The following TNRC18 variants were observed in gnomAD, a reference collection of about 807,000 sequenced individuals.
TNRC18 encodes the protein trinucleotide repeat containing 18, also known as trinucleotide repeat-containing gene 18 protein.
A neutral mutation model predicts 226.7 loss-of-function variants in TNRC18; 69 were observed. The observed-to-expected ratio is 0.30, with a 90% CI of 0.25 to 0.37. The LOEUF (loss-of-function observed/expected upper bound fraction) is 0.37. TNRC18 is among the 10% of genes least tolerant of loss of function. The pLI is 1.00. For synonymous variants in TNRC18, 2,449 were observed against 1,927.6 expected (o/e 1.27, Z -7.09); for missense variants, 4,754 against 4,256.6 (o/e 1.12, Z -3.25).
intron 24 of TNRC18, among the ~76,000 whole-genome samples, chr7:5,317,349 GGAGGCT>G (rs1308544622): frequency 1.3e-5 from 2 of 152,154 alleles, no homozygotes; most frequent in Non-Finnish European, 2.9e-5. Context: ...CAGCACTTTG[GGAGGCT>G]GAGAGAAGCA....
chr7:5,415,287 G>A (rs11772823), intron 2 of TNRC18, among the ~76,000 whole-genome samples: 1,875 of 151,816 alleles, frequency 0.012, 17 homozygotes, highest in Non-Finnish European at 0.019. Context: ...TCGGGTGGGG[G>A]TGGGCTGTGC....
intron 11 of TNRC18, among the ~76,000 whole-genome samples, chr7:5,365,183 G>A (rs12533189): frequency 0.016 from 2,482 of 152,158 alleles, 65 homozygotes; most frequent in Admixed American, 0.069. Context: ...ACCATCACAC[G>A]TCACCACAGC....
rs1386707660 is a variant in TNRC18, at chr7:5,389,279, G to C, written c.545C>G (p.Ser182Trp). 1 of 1,288,822 alleles carries C rather than the reference G, an allele frequency of 7.8e-7. No homozygotes were observed. 79.8% of individuals were successfully genotyped at this position (1,288,822 alleles called of 1,614,324 possible). A position where few individuals can be genotyped will look rare whatever the true frequency, so the allele number is the denominator to read the frequency against. The change falls in exon 5 of 30, where the codon TCG (serine) becomes TGG (tryptophan). Residue 182 changes from serine (S) to tryptophan (W), a missense_variant. Physicochemically the swap from Ser to Trp is radical, Grantham distance 177. Transcript: ENST00000430969. ...GTGGCCGCCGCCAGGGGTCCGGGCC[G>C]AGGGCGCGTGAGAGTGCAGGGAGCC... is the stretch of plus-strand genomic sequence containing the variant. ...APGSLHSHAPSARTPGGGHSS... is the reference protein window; with the variant it reads ...APGSLHSHAPWARTPGGGHSS...
At chr7:5,415,115 T>C (rs1284202922) in intron 2 of TNRC18, among the ~76,000 whole-genome samples, 1 of 152,190 alleles carries the variant, frequency 6.6e-6, no homozygotes, top group East Asian at 1.9e-4. Context: ...CATGACTGGC[T>C]TTCAGGGACC....
At chr7:5,405,321 C>T (rs1467036223) in intron 2 of TNRC18, among the ~76,000 whole-genome samples, 1 of 152,030 alleles carries the variant, frequency 6.6e-6, no homozygotes, top group Non-Finnish European at 1.5e-5. Context: ...GTAATACCAA[C>T]ACTTTGGGAG....
At chr7:5,416,098 C>T (rs1359668680) in intron 2 of TNRC18, among the ~76,000 whole-genome samples, 10 of 126,204 alleles carry the variant, frequency 7.9e-5, no homozygotes, top group Non-Finnish European at 1.4e-4. Context: ...GGCGACAGAG[C>T]AAGACTCTCT....
chr7:5,367,832 C>T (rs555010291), intron 11 of TNRC18, among the ~76,000 whole-genome samples: 39 of 152,096 alleles, frequency 2.6e-4, no homozygotes, highest in South Asian at 8.3e-4. Flanking sequence ...CAAGTGCCTC[C>T]CAGTGGGGAG....
intron 2 of TNRC18, 161 bp downstream of exon 2, chr7:5,420,899 G>GCC: frequency 3.6e-6 from 3 of 840,600 alleles, no homozygotes; most frequent in Admixed American, 2.3e-5. Context: ...CCTTGGCTCC[G>GCC]GGACCAGGAG....
intron 4 of TNRC18, 81 bp from the exon 5 acceptor site, chr7:5,389,417 A>AG: frequency 1.7e-6 from 2 of 1,162,792 alleles, no homozygotes; most frequent in Non-Finnish European, 1.1e-6. Context: ...GACCCCTGAG[A>AG]GGGGGATGGA....
intron 5 of TNRC18, among the ~76,000 whole-genome samples, chr7:5,383,316 G>A (rs145190735): frequency 5.9e-5 from 9 of 152,294 alleles, no homozygotes; most frequent in Non-Finnish European, 1.2e-4. Context: ...GGCCCCCTGA[G>A]GCCAGACCTA....
chr7:5,332,258 G>C (rs1393744135), intron 19 of TNRC18, among the ~76,000 whole-genome samples: 1 of 152,132 alleles, frequency 6.6e-6, no homozygotes, highest in African/African-American at 2.4e-5. Context: ...GCAACATAGC[G>C]AGATCCCCTC....
chr7:5,389,889 C>T (rs972792543), intron 4 of TNRC18: 1 of 154,640 alleles, frequency 6.5e-6, no homozygotes, highest in South Asian at 2.1e-4. Context: ...TACCTACAAC[C>T]AAGTTTAAAT....
At chr7:5,384,414 C>G (rs973083941) in intron 5 of TNRC18, among the ~76,000 whole-genome samples, 8 of 152,154 alleles carry the variant, frequency 5.3e-5, no homozygotes, top group African/African-American at 1.9e-4. Flanking sequence ...AACCAGTCAC[C>G]TACTTTTCAA....
At chr7:5,338,201 C>A (rs1432783431) in intron 18 of TNRC18, among the ~76,000 whole-genome samples, 2 of 151,856 alleles carry the variant, frequency 1.3e-5, no homozygotes, top group African/African-American at 2.4e-5. Flanking sequence ...CAAAATGATA[C>A]TGAGAAAGCT....
chr7:5,335,445 T>A (rs372611091), intron 18 of TNRC18, among the ~76,000 whole-genome samples: 3 of 149,738 alleles, frequency 2.0e-5, no homozygotes, highest in African/African-American at 7.4e-5. Flanking sequence ...CCATCTCTGA[T>A]AAAAATACAA....
chr7:5,345,521 C>CACCCCCCCA, intron 18 of TNRC18, 41 bp downstream of exon 18: 1 of 189,874 alleles, frequency 5.3e-6, no homozygotes, highest in African/African-American at 2.5e-5. Context: ...GCGTCCGCCC[C>CACCCCCCCA]TCCCACCCAC....
chr7:5,321,093 C>T lies in TNRC18; in HGVS notation c.6540G>A (p.Gln2180=), dbSNP rs760768652. Reference sequence around the variant, plus strand: ...CTCACATGTCTGGCGAGTGCACGGTCTGCACGTGCCCGGCGTACAGCAGCT... The same window carrying T: ...CTCACATGTCTGGCGAGTGCACGGTTTGCACGTGCCCGGCGTACAGCAGCT... The part of the protein sequence containing the change: ...DDKLLYAGHV[Q]TVHSPDIYRV... The change falls in exon 22 of 30, where the codon CAG becomes CAA. Residue 2180 remains glutamine, a synonymous_variant. Coordinates refer to ENST00000430969, the MANE Select transcript of TNRC18 (RefSeq NM_001080495.3). The T allele has an allele frequency of 1.9e-6, 3 of 1,551,992 alleles. No individual in the cohort carries two copies. The Admixed American group carries it at 5.8e-5, about 30-fold the overall frequency.
intron 5 of TNRC18, 82 bp downstream of exon 5, chr7:5,387,590 G>C (rs1034317359): frequency 4.5e-6 from 7 of 1,542,812 alleles, no homozygotes; most frequent in Non-Finnish European, 6.1e-6. Context: ...ATAGCAAAGG[G>C]AAAGGGCCCA....
At chr7:5,404,763 A>AGAGT (rs1554301687) in intron 2 of TNRC18, among the ~76,000 whole-genome samples, 2 of 147,122 alleles carry the variant, frequency 1.4e-5, no homozygotes, top group African/African-American at 5.0e-5. Context: ...GCACACTTTC[A>AGAGT]GTGTGTGTGT....
Sources: allele counts gnomAD v4.1 joint callset (sites outside exome capture counted in the v4.1 genomes callset), GRCh38; gene constraint gnomAD v4.1.1; transcripts MANE v1.5; gene names NCBI Gene and HGNC (gene_info 2026-07-23, HGNC 2026-07-21).